Variants in CLVS1 observed in about 807,000 individuals in gnomAD.
The protein encoded by CLVS1 is clavesin-1.
In CLVS1, 10 loss-of-function variants were observed where a neutral mutation model predicts 33.1. The ratio of observed to expected loss-of-function variants is 0.30; its 90% CI spans 0.19 to 0.51. The LOEUF is 0.51. Ranked by LOEUF, CLVS1 falls within the 20% of genes least tolerant of loss-of-function variation. The pLI, the probability that CLVS1 is intolerant of heterozygous loss-of-function variation, is 0.97. For synonymous variants in CLVS1, 163 were observed against 166.1 expected (o/e 0.98, Z 0.14); for missense variants, 343 against 433.4 (o/e 0.79, Z 1.85).
chr8:61,226,972 G>A lies in CLVS1; in HGVS notation c.-151-72705G>A, dbSNP rs561292569. On this transcript the variant is annotated intron_variant, in intron 2 of 2. Transcript: ENST00000522621. ...ATATGAAGAACACCTGCTATATTAC[G>A]AAAACATGTTTTTTTTTTTTTTTTT... is the stretch of plus-strand genomic sequence containing the variant. Among the ~76,000 whole-genome samples the A allele has an allele frequency of 3.6e-3, 501 of 138,492 alleles. 1 individual carries two copies. The highest frequency in any genetic ancestry group is 0.013 in the African/African-American group (461 of 35,206). 90.9% of individuals were successfully genotyped at this position (138,492 alleles called of 152,430 possible).
intron 3 of CLVS1, among the ~76,000 whole-genome samples, chr8:61,448,388 T>A (rs1318361517): frequency 6.6e-6 from 1 of 152,146 alleles, no homozygotes; most frequent in Non-Finnish European, 1.5e-5. Flanking sequence ...AATTTTAGAT[T>A]TTTTTGTTAT....
At chr8:61,171,068 C>A (rs1181061097) in intron 2 of CLVS1, among the ~76,000 whole-genome samples, 2 of 151,732 alleles carry the variant, frequency 1.3e-5, no homozygotes, top group African/African-American at 4.8e-5. Flanking sequence ...CATTTAACTG[C>A]CCAGGTGTCA....
At chr8:61,491,085 T>C (rs1208913440) in intron 5 of CLVS1, among the ~76,000 whole-genome samples, 2 of 152,228 alleles carry the variant, frequency 1.3e-5, no homozygotes, top group African/African-American at 4.8e-5. Context: ...TTCTAGGCTT[T>C]TCTAGAAGGA....
rs201827853 is a variant in CLVS1, at chr8:61,253,424, A to T, written c.-151-46253A>T. On this transcript the variant is annotated intron_variant, in intron 2 of 2. Transcript: ENST00000522621. ...TTGGAGTTGCTCTTCTCGAGGAGTA[A>T]CTTTGTGGCATTCTCTGTATTTCCT... is the stretch of plus-strand genomic sequence containing the variant. Among the ~76,000 whole-genome samples, 98 of 152,154 alleles carry T rather than the reference A, an allele frequency of 6.4e-4. 1 individual carries two copies. The highest frequency in any genetic ancestry group is 7.2e-4 in the Admixed American group (11 of 15,286).
At chr8:61,131,855 A>G (rs1806104724) in exon 2 of CLVS1, 1 of 152,216 alleles carries the variant, frequency 6.6e-6, no homozygotes, top group Non-Finnish European at 1.5e-5. Context: ...ATCAGCCAGG[A>G]AAAAGGTGAG....
At chr8:61,046,365 A>G in the CLVS1 span, among the ~76,000 whole-genome samples, 2 of 145,154 alleles carry the variant, frequency 1.4e-5, no homozygotes, top group Non-Finnish European at 3.0e-5. Context: ...TTTTGGTACC[A>G]GTACCATGCT....
chr8:61,445,589 A>G lies in CLVS1; in HGVS notation c.631-8552A>G, dbSNP rs1816730114. Among the ~76,000 whole-genome samples the G allele has an allele frequency of 2.6e-5, 4 of 152,202 alleles. 1 individual carries two copies. The South Asian group carries it at 8.3e-4, about 31-fold the overall frequency. ...TGTTTCTTATGTAGCTTGCAGAACC[A>G]TCAGCCAAATAAACCTCCTTTTTTT... On this transcript the variant is annotated intron_variant, in intron 3 of 5. Transcript: ENST00000325897.
chr8:61,259,095 CCT>C (rs1428631792), intron 2 of CLVS1, among the ~76,000 whole-genome samples: 2 of 152,172 alleles, frequency 1.3e-5, no homozygotes, highest in African/African-American at 2.4e-5. Flanking sequence ...TTAAAAATCA[CCT>C]ACAAAGTGAT....
intron 2 of CLVS1, among the ~76,000 whole-genome samples, chr8:61,214,329 G>A (rs1048189483): frequency 5.3e-5 from 8 of 152,110 alleles, no homozygotes; most frequent in African/African-American, 1.9e-4. Flanking sequence ...AAACTTGCTG[G>A]TTTTTGCGGC....
upstream of CLVS1, among the ~76,000 whole-genome samples, chr8:61,053,732 T>G (rs2129276499): frequency 6.6e-6 from 1 of 152,344 alleles, no homozygotes; most frequent in Admixed American, 6.5e-5. Context: ...GATAAGCATG[T>G]GGCCCAGGCT....
chr8:61,017,554 C>T, the CLVS1 span, among the ~76,000 whole-genome samples: 367 of 152,318 alleles, frequency 2.4e-3, 1 homozygote, highest in Non-Finnish European at 3.7e-3. Context: ...TGAATGAAGC[C>T]GTATTAGTGT....
intron 3 of CLVS1, among the ~76,000 whole-genome samples, chr8:61,421,282 C>T (rs945907302): frequency 1.3e-5 from 2 of 152,124 alleles, no homozygotes; most frequent in Non-Finnish European, 2.9e-5. Flanking sequence ...ACTCAGCAAA[C>T]GATGATTGTC....
chr8:61,222,663 G>A (rs910144622), intron 2 of CLVS1, among the ~76,000 whole-genome samples: 1 of 152,190 alleles, frequency 6.6e-6, no homozygotes, highest in Admixed American at 6.5e-5. Flanking sequence ...TTGATTTGGG[G>A]TAGAGAGTTC....
intron 2 of CLVS1, among the ~76,000 whole-genome samples, chr8:61,353,967 C>T (rs1812582124): frequency 6.6e-6 from 1 of 151,884 alleles, no homozygotes; most frequent in Admixed American, 6.6e-5. Flanking sequence ...CAACTTTATC[C>T]TCATAAAGTC....
At chr8:61,382,121 A>T (rs982750847) in intron 3 of CLVS1, among the ~76,000 whole-genome samples, 1 of 152,200 alleles carries the variant, frequency 6.6e-6, no homozygotes, top group Non-Finnish European at 1.5e-5. Flanking sequence ...CCAAAGTGCC[A>T]TATTCACTCA....
chr8:61,357,059 T>A (rs976975096), intron 2 of CLVS1, among the ~76,000 whole-genome samples: 4 of 152,220 alleles, frequency 2.6e-5, no homozygotes, highest in African/African-American at 9.6e-5. Context: ...TGGAATGTTC[T>A]TCCATTTGTT....
At chr8:61,202,095 T>C (rs947233751) in intron 2 of CLVS1, among the ~76,000 whole-genome samples, 7 of 152,122 alleles carry the variant, frequency 4.6e-5, no homozygotes, top group African/African-American at 1.4e-4. Context: ...CTGAGAAAGG[T>C]AAAAACACCT....
chr8:61,428,683 AC>A (rs1363356746), intron 3 of CLVS1, among the ~76,000 whole-genome samples: 1 of 152,070 alleles, frequency 6.6e-6, no homozygotes, highest in East Asian at 1.9e-4. Flanking sequence ...AATATAGTCA[AC>A]CCCCATTATA....
At chr8:61,416,326 A>C (rs1026855050) in intron 3 of CLVS1, among the ~76,000 whole-genome samples, 1 of 151,832 alleles carries the variant, frequency 6.6e-6, no homozygotes, top group African/African-American at 2.4e-5. Context: ...ACATACATAC[A>C]TACATACATA....
Sources: gnomAD v4.1 joint callset for allele counts (sites outside exome capture counted in the v4.1 genomes callset) on GRCh38, gnomAD v4.1.1 for gene constraint, MANE v1.5 for transcripts, NCBI Gene and HGNC (gene_info 2026-07-23, HGNC 2026-07-21) for gene names.